Variants in BIRC6 observed in about 807,000 individuals in gnomAD.
BIRC6 encodes the protein dual E2 ubiquitin-conjugating enzyme/E3 ubiquitin-protein ligase BIRC6.
A neutral mutation model predicts 503.3 loss-of-function variants in BIRC6; 98 were observed. That is an observed-to-expected ratio of 0.19 (90% confidence interval 0.17 to 0.23). The LOEUF (loss-of-function observed/expected upper bound fraction) is 0.23, where lower values mean the gene tolerates loss of function less well. BIRC6 is among the 10% of genes least tolerant of loss of function. The pLI, the probability that BIRC6 is intolerant of heterozygous loss-of-function variation, is 1.00. For synonymous variants in BIRC6, 2,240 were observed against 2,078.7 expected (o/e 1.08, Z -2.11); for missense variants, 5,360 against 5,806.0 (o/e 0.92, Z 2.50).
At chr2:32,406,410 C>T in intron 8 of BIRC6, 89 bp from the exon 9 acceptor site, 1 of 1,017,816 alleles carries the variant, frequency 9.8e-7, no homozygotes, top group South Asian at 1.5e-5. Flanking sequence ...AAAAAACCCA[C>T]AAAACCAACT....
intron 5 of BIRC6, among the ~76,000 whole-genome samples, chr2:32,393,883 A>G (rs1365095871): frequency 6.6e-6 from 1 of 152,016 alleles, no homozygotes; most frequent in Non-Finnish European, 1.5e-5. Flanking sequence ...GAATCTGAAG[A>G]TTGATTATTC....
Position 32,532,524 on chromosome 2 carries a change from G to A in BIRC6, c.12291+973G>A, listed in dbSNP as rs145971553. ...CACCAGTCATTTAATGTAGGGTCCT[G>A]CAAACCATTATCTCCTCATCTTAAC... On this transcript the variant is annotated intron_variant, in intron 61 of 73. Coordinates refer to ENST00000421745, the MANE Select transcript of BIRC6 (RefSeq NM_016252.4). 5.4e-3 allele frequency among the ~76,000 whole-genome samples: 817 copies of A among 152,176 alleles called. 10 individuals are homozygous for A. Among genetic ancestry groups the A allele is most frequent in the African/African-American group, 0.019 (769 of 41,506 alleles).
intron 46 of BIRC6, among the ~76,000 whole-genome samples, chr2:32,500,484 C>T (rs769177461): frequency 2.0e-5 from 3 of 150,784 alleles, no homozygotes; most frequent in Admixed American, 6.6e-5. Context: ...ATGGCGCGAT[C>T]TCGGCTCACT....
intron 32 of BIRC6, among the ~76,000 whole-genome samples, chr2:32,471,687 T>C (rs952815890): frequency 2.0e-5 from 3 of 152,202 alleles, no homozygotes; most frequent in African/African-American, 7.2e-5. Context: ...TCTTTATTTT[T>C]ATTTTTCCTC....
At chr2:32,508,303 T>TG in intron 51 of BIRC6, 44 bp downstream of exon 51, 1 of 1,274,470 alleles carries the variant, frequency 7.8e-7, no homozygotes, top group South Asian at 1.6e-5. Context: ...TTTTTTTTTT[T>TG]GGCATGGTTG....
At chr2:32,392,404 C>T (rs1400968466) in intron 5 of BIRC6, among the ~76,000 whole-genome samples, 1 of 151,788 alleles carries the variant, frequency 6.6e-6, no homozygotes, top group African/African-American at 2.4e-5. Context: ...TACAGGTGTG[C>T]ACCATCACAC....
chr2:32,468,621 A>T lies in BIRC6; in HGVS notation c.5965A>T (p.Asn1989Tyr), dbSNP rs762607354. Reference protein sequence around the residue: ...QLQLQLNLAHNAVQRLKVALG... With the variant: ...QLQLQLNLAHYAVQRLKVALG... ...ACAGCTTCAACTAAATTTGGCTCATAATGCAGTGCAGAGGCTCAAAGTGGC... is the reference window on the plus strand; with the variant it reads ...ACAGCTTCAACTAAATTTGGCTCATTATGCAGTGCAGAGGCTCAAAGTGGC... The change falls in exon 29 of 74, where the codon AAT (asparagine) becomes TAT (tyrosine). Residue 1989 changes from asparagine to tyrosine, a missense_variant. This residue lies in a region of BIRC6 where 2,299 missense variants were observed against 2,267.2 expected (regional missense o/e 1.01). Transcript: ENST00000421745. 6.2e-7 allele frequency: 1 copy of T among 1,613,896 alleles called. No homozygotes were observed. The highest frequency in any genetic ancestry group is 8.5e-7 in the Non-Finnish European group (1 of 1,179,884).
chr2:32,580,773 T>G (rs1010636325), intron 66 of BIRC6, among the ~76,000 whole-genome samples: 1 of 152,200 alleles, frequency 6.6e-6, no homozygotes, highest in Non-Finnish European at 1.5e-5. Context: ...TCCTACTGTT[T>G]TGGGGGACTG....
chr2:32,549,133 C>G lies in BIRC6; in HGVS notation c.12976-180C>G, dbSNP rs1417759831. On this transcript the variant is annotated intron_variant, in intron 64 of 73. Coordinates refer to ENST00000421745, the MANE Select transcript of BIRC6 (RefSeq NM_016252.4). ...TACCATCCTTTGTAAGCAACACTCT[C>G]AGACAAAACAGATCCTTCTCTTTTG... 1.2e-5 allele frequency: 5 copies of G among 428,024 alleles called. No individual in the cohort carries two copies. In the Admixed American group the frequency reaches 2.1e-4, roughly 18 times the overall value. 26.5% of individuals were successfully genotyped at this position (428,024 alleles called of 1,614,324 possible). A position where few individuals can be genotyped will look rare whatever the true frequency, so the allele number is the denominator to read the frequency against.
chr2:32,487,514 ATTGTT>A, intron 40 of BIRC6, 128 bp from the exon 41 acceptor site: 1 of 675,918 alleles, frequency 1.5e-6, no homozygotes. Context: ...AATACTAAAT[ATTGTT>A]TTGAACCATT....
intron 46 of BIRC6, among the ~76,000 whole-genome samples, chr2:32,500,904 CA>C (rs2053110801): frequency 6.6e-6 from 1 of 151,724 alleles, no homozygotes. Context: ...TGCGCCCTGC[CA>C]ATTTTTTTTT....
rs2062857107 is a variant in BIRC6, at chr2:32,611,246, G to A, written c.14260-202G>A. 2.6e-5 allele frequency among the ~76,000 whole-genome samples: 4 copies of A among 151,488 alleles called. 1 individual carries two copies. In the Middle Eastern group the frequency reaches 0.014, roughly 519 times the overall value. Reference sequence around the variant, plus strand: ...TCAGCCTCCCAAATTGAGTTTTATGGATAGAAAAACATTGCAGTGTCTGTA... The same window carrying A: ...TCAGCCTCCCAAATTGAGTTTTATGAATAGAAAAACATTGCAGTGTCTGTA... On this transcript the variant is annotated intron_variant, in intron 72 of 73. Coordinates refer to ENST00000421745, the MANE Select transcript of BIRC6 (RefSeq NM_016252.4).
chr2:32,432,761 G>GAA (rs537768715), intron 12 of BIRC6, among the ~76,000 whole-genome samples: 170 of 129,380 alleles, frequency 1.3e-3, no homozygotes, highest in African/African-American at 8.2e-4. Flanking sequence ...CCCCATTTCG[G>GAA]AAAAAAAAAA....
At chr2:32,463,502 T>G (rs1396974750) in intron 24 of BIRC6, 121 bp downstream of exon 24, 2 of 977,716 alleles carry the variant, frequency 2.0e-6, no homozygotes, top group Non-Finnish European at 2.8e-6. Flanking sequence ...AGCTAATCAG[T>G]TTCAACAAAA....
At chr2:32,482,687 G>C in intron 39 of BIRC6, 105 bp downstream of exon 39, 1 of 1,239,068 alleles carries the variant, frequency 8.1e-7, no homozygotes. Context: ...TATGCCAGTG[G>C]GTTTAGTATC....
At chr2:32,571,890 A>C (rs1266945010) in intron 65 of BIRC6, among the ~76,000 whole-genome samples, 1 of 152,026 alleles carries the variant, frequency 6.6e-6, no homozygotes, top group Non-Finnish European at 1.5e-5. Flanking sequence ...TTTGCACTGC[A>C]TTTGCTATAT....
chr2:32,397,653 CATAT>C (rs368197550), intron 6 of BIRC6, among the ~76,000 whole-genome samples: 3 of 135,126 alleles, frequency 2.2e-5, no homozygotes, highest in East Asian at 2.1e-4. Context: ...CACACACACA[CATAT>C]ATGTGTATAT....
chr2:32,419,381 A>C (rs1291719615), intron 10 of BIRC6, among the ~76,000 whole-genome samples: 1 of 152,176 alleles, frequency 6.6e-6, no homozygotes, highest in African/African-American at 2.4e-5. Flanking sequence ...TACTAAATGT[A>C]GATTTGTTAA....
At position 32,515,710 on chromosome 2, in the gene BIRC6, T is replaced by C. The variant is rs1204778536; in HGVS notation, c.11289T>C (p.Thr3763=). 6.2e-7 allele frequency: 1 copy of C among 1,602,510 alleles called. No homozygotes were observed. The highest frequency in any genetic ancestry group is 1.3e-5 in the African/African-American group (1 of 74,938). The change falls in exon 55 of 74, where the codon ACT becomes ACC. Residue 3763 remains threonine, a synonymous_variant. Coordinates refer to ENST00000421745, the MANE Select transcript of BIRC6 (RefSeq NM_016252.4). The part of the protein sequence containing the change: ...TQQRTAIENA[T]VAFFLQCISC... The stretch of plus-strand genomic sequence containing the variant: ...AGCGCACAGCAATTGAGAATGCAAC[T>C]GTTGCGTTCTTTCTACAGTGCATTT...
Sources: gnomAD v4.1 joint callset for allele counts (sites outside exome capture counted in the v4.1 genomes callset) on GRCh38, gnomAD v4.1.1 for gene constraint, gnomAD v4.1.1 regional missense constraint, MANE v1.5 for transcripts, NCBI Gene and HGNC (gene_info 2026-07-23, HGNC 2026-07-21) for gene names.